The following G6PC2 variants were observed in gnomAD, a reference collection of about 807,000 sequenced individuals.
The protein encoded by G6PC2 is glucose-6-phosphatase catalytic subunit 2.
G6PC2 carries 41 observed loss-of-function variants against 35.4 expected under a neutral mutation model. That is an observed-to-expected ratio of 1.16 (90% CI 0.90 to 1.50). The LOEUF (loss-of-function observed/expected upper bound fraction) is 1.50, where lower values mean the gene tolerates loss of function less well. Among genes scored for constraint, G6PC2 ranks in the 40% most tolerant of loss-of-function variants. The pLI is 0.00. For synonymous variants in G6PC2, 165 were observed against 153.2 expected (o/e 1.08, Z -0.57); for missense variants, 441 against 426.5 (o/e 1.03, Z -0.30).
chr2:168,905,255 T>C (rs1690684280), intron 3 of G6PC2, among the ~76,000 whole-genome samples: 1 of 152,168 alleles, frequency 6.6e-6, no homozygotes, highest in South Asian at 2.1e-4. Flanking sequence ...TTCTCTTCTT[T>C]CCTGAAATAC....
chr2:168,908,294 T>C lies in G6PC2; in HGVS notation c.*215T>C, dbSNP rs1690774254. ...TATTTAGATACAAGAATATTTGACA[T>C]AAAAATCGGAAGTTCTGTATTTCTT... On this transcript the variant is annotated 3_prime_UTR_variant, in exon 5 of 5. Transcript: ENST00000375363. 1.7e-6 allele frequency: 1 copy of C among 600,724 alleles called. No homozygotes were observed. The highest frequency in any genetic ancestry group is 2.8e-5 in the East Asian group (1 of 36,152). The allele number at this position is 600,724 out of a possible 1,614,324, so 37.2% of individuals were successfully genotyped here.
chr2:168,909,040 A>C lies in G6PC2; in HGVS notation c.*961A>C, dbSNP rs1690792555. 1 of 152,120 alleles carries C rather than the reference A, an allele frequency of 6.6e-6. No individual in the cohort carries two copies. The highest frequency in any genetic ancestry group is 2.1e-4 in the South Asian group (1 of 4,826). 9.4% of individuals were successfully genotyped at this position (152,120 alleles called of 1,614,324 possible). On this transcript the variant is annotated 3_prime_UTR_variant, in exon 5 of 5. Coordinates refer to ENST00000375363, the MANE Select transcript of G6PC2 (RefSeq NM_021176.3). ...CACTGTCTTTTGTTTCTTCATTTAC[A>C]AGAGGTAAAAATCAGTAAGAATGAA...
In G6PC2 at chr2:168,908,061, C is replaced by CG; in HGVS notation, c.1052dup (p.Lys353GlufsTer28). On this transcript the variant is annotated frameshift_variant, in exon 5 of 5. Transcript: ENST00000375363. LOFTEE classifies it high-confidence loss of function. ...CTGTTCATATGTTAATGAAACAAAG[C>CG]GGAAAGAAGAGTCAGTAGAGTGGTG... 6.2e-7 allele frequency: 1 copy of CG among 1,612,966 alleles called. No individual in the cohort carries two copies. Among genetic ancestry groups the CG allele is most frequent in the Non-Finnish European group, 8.5e-7 (1 of 1,179,372 alleles).
intron 3 of G6PC2, 22 bp from the exon 4 acceptor site, chr2:168,906,642 T>A (rs1277075781): frequency 8.5e-7 from 1 of 1,179,566 alleles, no homozygotes; most frequent in Non-Finnish European, 1.3e-6. Flanking sequence ...TTTTTATGCT[T>A]GTATCTATTC....
chr2:168,901,484 G>T lies in G6PC2; in HGVS notation c.153G>T (p.Gln51His). The T allele has an allele frequency of 6.2e-7, 1 of 1,600,988 alleles. No individual in the cohort carries two copies. ...TTCCACTTTGTTTTCAATTTAATCA[G>T]ACAGTTGGAACCAAGATGATATGGG... Reference protein sequence around the residue: ...IYFPLCFQFNQTVGTKMIWVA... With the variant: ...IYFPLCFQFNHTVGTKMIWVA... Residue 51 changes from glutamine (Q) to histidine (H), a missense_variant, in exon 1 of 5, where the codon CAG becomes CAT. By Grantham distance (24) the Gln-to-His change is conservative. Coordinates refer to ENST00000375363, the MANE Select transcript of G6PC2 (RefSeq NM_021176.3).
At position 168,902,462 on chromosome 2, in the gene G6PC2, G is replaced by T. The variant is rs144254880; in HGVS notation, c.236G>T (p.Arg79Leu). The T allele has an allele frequency of 2.7e-6, 4 of 1,467,486 alleles. No homozygotes were observed. The South Asian group carries it at 4.5e-5, about 17-fold the overall frequency. 90.9% of individuals were successfully genotyped at this position (1,467,486 alleles called of 1,614,324 possible). Residue 79 changes from arginine to leucine, a missense_variant, in exon 2 of 5, where the codon CGA becomes CTA. By Grantham distance (102) the Arg-to-Leu change is moderately radical (BLOSUM62 -2). Coordinates refer to ENST00000375363, the MANE Select transcript of G6PC2 (RefSeq NM_021176.3). ...AAATACAGGATATTATTTGGTCATC[G>T]ACCTTACTGGTGGGTCCAAGAAACT... ...LIFKWILFGH[R>L]PYWWVQETQI...
rs510399 is a variant in G6PC2 at position 168,901,407 on chromosome 2, C to T, written c.76C>T (p.Leu26=). The part of the protein sequence containing the change: ...QKDYRAYYTF[L]NFMSNVGDPR... ...GGACTACCGAGCTTACTACACTTTTCTAAATTTTATGTCCAATGTTGGAGA... is the reference window on the plus strand; with the variant it reads ...GGACTACCGAGCTTACTACACTTTTTTAAATTTTATGTCCAATGTTGGAGA... The change falls in exon 1 of 5, where the codon CTA becomes TTA. Residue 26 remains leucine (L), a synonymous_variant. Transcript: ENST00000375363. The T allele has an allele frequency of 6.2e-7, 1 of 1,602,916 alleles. No individual in the cohort carries two copies. The highest frequency in any genetic ancestry group is 2.2e-5 in the East Asian group (1 of 44,850).
At position 168,906,701 on chromosome 2, in the gene G6PC2, A is replaced by T; in HGVS notation, c.478A>T (p.Ile160Phe). 6.2e-7 allele frequency: 1 copy of T among 1,605,738 alleles called. No homozygotes were observed. The highest frequency in any genetic ancestry group is 8.5e-7 in the Non-Finnish European group (1 of 1,172,504). The change falls in exon 4 of 5, where the codon ATT becomes TTT. Residue 160 changes from isoleucine to phenylalanine, a missense_variant. By Grantham distance (21) the Ile-to-Phe change is conservative. Transcript: ENST00000375363. ...ATTTCTTTGGAGTGTTTTTTGGTTG[A>T]TTCAAATCAGTGTCTGCATCTCCAG... Reference protein sequence around the residue: ...WSFLWSVFWLIQISVCISRVF... With the variant: ...WSFLWSVFWLFQISVCISRVF...
chr2:168,907,434 G>C, intron 4 of G6PC2, 134 bp from the exon 5 acceptor site: 1 of 935,168 alleles, frequency 1.1e-6, no homozygotes, highest in Non-Finnish European at 1.7e-6. Context: ...AAAGGCTTTG[G>C]AAAATGGATA....
chr2:168,909,084 A>T lies in G6PC2; in HGVS notation c.*1005A>T, dbSNP rs1183608872. 6.6e-6 allele frequency: 1 copy of T among 152,230 alleles called. No homozygotes were observed. Among genetic ancestry groups the T allele is most frequent in the South Asian group, 2.1e-4 (1 of 4,830 alleles). The allele number at this position is 152,230 out of a possible 1,614,324, so 9.4% of individuals were successfully genotyped here. ...GAATGAATGCTTTCATTTAGATTCT[A>T]TGATGACTGCCATATAAATCAGCTA... On this transcript the variant is annotated 3_prime_UTR_variant, in exon 5 of 5. Coordinates refer to ENST00000375363, the MANE Select transcript of G6PC2 (RefSeq NM_021176.3).
At chr2:168,902,916 GC>G (rs1181845667) in intron 2 of G6PC2, 1 of 309,636 alleles carries the variant, frequency 3.2e-6, no homozygotes, top group African/African-American at 2.2e-5. Flanking sequence ...CTGCTGCTAA[GC>G]AACTTTCAAA....
At chr2:168,904,662 T>A (rs1470297397) in intron 3 of G6PC2, 46 bp downstream of exon 3, 1 of 991,302 alleles carries the variant, frequency 1.0e-6, no homozygotes, top group Admixed American at 1.7e-5. Flanking sequence ...TGACAGTTTT[T>A]AATACAGAAA....
chr2:168,904,576 ACTGT>A lies in G6PC2; in HGVS notation c.405_408del (p.Cys136GlyfsTer12). On this transcript the variant is annotated frameshift_variant, in exon 3 of 5. Coordinates refer to ENST00000375363, the MANE Select transcript of G6PC2 (RefSeq NM_021176.3). LOFTEE classifies it high-confidence loss of function. ...CATGGTAACCGCTGCCCTGAGCCAC[ACTGT>A]CTGTGGGATGGATAAGTTCTCTATC... 2 of 1,611,772 alleles carry A rather than the reference ACTGT, an allele frequency of 1.2e-6. No individual in the cohort carries two copies. Among genetic ancestry groups the A allele is most frequent in the Non-Finnish European group, 1.7e-6 (2 of 1,177,892 alleles).
chr2:168,903,256 A>G (rs778084300), intron 2 of G6PC2, among the ~76,000 whole-genome samples: 18 of 152,254 alleles, frequency 1.2e-4, no homozygotes, highest in Non-Finnish European at 2.1e-4. Context: ...CATTTTACAT[A>G]GCATAACATT....
At chr2:168,906,202 C>A (rs963367624) in intron 3 of G6PC2, among the ~76,000 whole-genome samples, 1 of 151,498 alleles carries the variant, frequency 6.6e-6, no homozygotes, top group South Asian at 2.1e-4. Flanking sequence ...AATGCTCATG[C>A]GCTTTTCATC....
rs1487559896 is a variant in G6PC2, at chr2:168,904,456, T to A, written c.329-49T>A. 3 of 918,660 alleles carry A rather than the reference T, an allele frequency of 3.3e-6. No individual in the cohort carries two copies. In the Admixed American group the frequency reaches 5.1e-5, roughly 16 times the overall value. 56.9% of individuals were successfully genotyped at this position (918,660 alleles called of 1,614,324 possible). A position where few individuals can be genotyped will look rare whatever the true frequency, so the allele number is the denominator to read the frequency against. ...ATGCTATTCTATTATTCATTTCTGA[T>A]CTTGATAGTTAACCACTTTTCAAAT... On this transcript the variant is annotated intron_variant, in intron 2 of 4. Coordinates refer to ENST00000375363, the MANE Select transcript of G6PC2 (RefSeq NM_021176.3).
At chr2:168,906,857 C>T in intron 4 of G6PC2, 78 bp downstream of exon 4, 2 of 827,424 alleles carry the variant, frequency 2.4e-6, no homozygotes, top group Non-Finnish European at 4.3e-6. Context: ...CAGATTGTCC[C>T]CGGTAATCAA....
chr2:168,901,568 T>C lies in G6PC2; in HGVS notation c.218+19T>C. 1 of 1,224,460 alleles carries C rather than the reference T, an allele frequency of 8.2e-7. No homozygotes were observed. Among genetic ancestry groups the C allele is most frequent in the Non-Finnish European group, 1.2e-6 (1 of 830,134 alleles). 75.8% of individuals were successfully genotyped at this position (1,224,460 alleles called of 1,614,324 possible). A position where few individuals can be genotyped will look rare whatever the true frequency, so the allele number is the denominator to read the frequency against. ...TTAAATGGTAAGATTTCTGTTTTAT[T>C]TCATTTTTTCCTAAGATTTATCCTT... On this transcript the variant is annotated intron_variant, in intron 1 of 4. Coordinates refer to ENST00000375363, the MANE Select transcript of G6PC2 (RefSeq NM_021176.3).
At chr2:168,901,742 T>G (rs916793532) in intron 1 of G6PC2, among the ~76,000 whole-genome samples, 193 bp downstream of exon 1, 2 of 150,550 alleles carry the variant, frequency 1.3e-5, no homozygotes, top group African/African-American at 4.9e-5. Flanking sequence ...TTTTTGTTTT[T>G]TTTTTTTTTT....
Sources: allele counts gnomAD v4.1 joint callset (sites outside exome capture counted in the v4.1 genomes callset), GRCh38; gene constraint gnomAD v4.1.1; transcripts MANE v1.5; gene names NCBI Gene and HGNC (gene_info 2026-07-23, HGNC 2026-07-21).